UBASH3B: variants seen among roughly 807,000 people sequenced by gnomAD.
UBASH3B encodes the protein ubiquitin associated and SH3 domain containing B.
Under a neutral mutation model 83.4 loss-of-function variants are expected in UBASH3B, and 37 were observed. The observed-to-expected ratio is 0.44, with a 90% confidence interval of 0.34 to 0.58. The LOEUF is 0.58. Ranked by LOEUF, UBASH3B falls within the 20% of genes least tolerant of loss-of-function variation. The pLI, the probability that UBASH3B is intolerant of heterozygous loss-of-function variation, is 0.01. For synonymous variants in UBASH3B, 304 were observed against 318.3 expected, an observed-to-expected ratio of 0.96 and a Z score of 0.48; for missense variants, 657 against 827.2, an observed-to-expected ratio of 0.79 and a Z score of 2.52.
intron 1 of UBASH3B, among the ~76,000 whole-genome samples, chr11:122,711,299 C>T (rs1486831355): frequency 6.6e-6 from 1 of 152,232 alleles, no homozygotes; most frequent in Non-Finnish European, 1.5e-5. Flanking sequence ...CATTTTAGTG[C>T]TTAGGGAAAG....
At chr11:122,741,360 C>T (rs1238970055) in intron 1 of UBASH3B, among the ~76,000 whole-genome samples, 5 of 152,180 alleles carry the variant, frequency 3.3e-5, no homozygotes, top group Non-Finnish European at 7.3e-5. Context: ...CCCAAACCCA[C>T]AAAGACATAA....
chr11:122,706,273 GC>G (rs1864119095), intron 1 of UBASH3B, among the ~76,000 whole-genome samples: 1 of 151,886 alleles, frequency 6.6e-6, no homozygotes, highest in South Asian at 2.1e-4. Flanking sequence ...GCGCCACAGA[GC>G]TCTAATTCTT....
At chr11:122,738,747 C>T (rs568006226) in intron 1 of UBASH3B, among the ~76,000 whole-genome samples, 17 of 151,984 alleles carry the variant, frequency 1.1e-4, no homozygotes, top group South Asian at 2.1e-4. Flanking sequence ...ATTAGCTGGG[C>T]GTGGTGGTGC....
chr11:122,719,407 TA>T (rs1314982965), intron 1 of UBASH3B, among the ~76,000 whole-genome samples: 1 of 152,240 alleles, frequency 6.6e-6, no homozygotes, highest in Non-Finnish European at 1.5e-5. Context: ...TGAAACTCTT[TA>T]AAAGTCTTTC....
intron 5 of UBASH3B, among the ~76,000 whole-genome samples, chr11:122,783,652 A>C (rs951239181): frequency 4.0e-5 from 6 of 148,274 alleles, no homozygotes; most frequent in African/African-American, 1.5e-4. Flanking sequence ...TTGCAAAGAC[A>C]TAATCAACAG....
chr11:122,779,527 G>A lies in UBASH3B; in HGVS notation c.433G>A (p.Glu145Lys), dbSNP rs965964541. The A allele has an allele frequency of 1.2e-6, 2 of 1,614,086 alleles. No homozygotes were observed. Among genetic ancestry groups the A allele is most frequent in the Non-Finnish European group, 1.7e-6 (2 of 1,179,992 alleles). ...GGACAGCAAGGTGGATGCCCTGGGG[G>A]AAGCCCTGCAGACCACGGTCAGTCG... is the stretch of plus-strand genomic sequence containing the variant. ...CEDSKVDALG[E>K]ALQTTVSRWK... is the part of the protein sequence containing the mutation. Residue 145 changes from glutamate (E) to lysine (K), a missense_variant, in exon 4 of 14, where the codon GAA becomes AAA. Physicochemically the swap from Glu to Lys is moderately conservative, Grantham distance 56. This residue lies in a region of UBASH3B where 573 missense variants were observed against 739.0 expected (regional missense o/e 0.78). Coordinates refer to ENST00000284273, the MANE Select transcript of UBASH3B (RefSeq NM_032873.5).
chr11:122,805,043 G>A (rs974549148), intron 11 of UBASH3B, among the ~76,000 whole-genome samples: 3 of 152,188 alleles, frequency 2.0e-5, no homozygotes, highest in Non-Finnish European at 2.9e-5. Flanking sequence ...GTGTTAGTTC[G>A]TTTTCACGCT....
In UBASH3B at chr11:122,758,786, A is replaced by G. The variant is rs1861324150; in HGVS notation, c.162-17433A>G. ...TAACTGATGGCAGGAGCGAAATGCA[A>G]TGAATTCAGATCAGCAATTTCCACT... On this transcript the variant is annotated intron_variant, in intron 1 of 13. Coordinates refer to ENST00000284273, the MANE Select transcript of UBASH3B (RefSeq NM_032873.5). This position sits in a 1 kb window ranked among gnomAD's most constrained non-coding sequence, Gnocchi z 4.2. 2.0e-5 allele frequency among the ~76,000 whole-genome samples: 3 copies of G among 152,232 alleles called. No homozygotes were observed. In the South Asian group the frequency reaches 6.2e-4, roughly 31 times the overall value.
At chr11:122,746,163 C>A (rs1215924416) in intron 1 of UBASH3B, among the ~76,000 whole-genome samples, 1 of 152,120 alleles carries the variant, frequency 6.6e-6, no homozygotes, top group Non-Finnish European at 1.5e-5. Flanking sequence ...GAGCTAAGGC[C>A]CAGGGACCAT....
chr11:122,694,893 C>A (rs1863942374), intron 1 of UBASH3B, among the ~76,000 whole-genome samples: 1 of 151,166 alleles, frequency 6.6e-6, no homozygotes, highest in Admixed American at 6.6e-5. Context: ...CAGGGTATGC[C>A]ATCCACCAGT....
chr11:122,792,583 T>C (rs753202004), intron 6 of UBASH3B, among the ~76,000 whole-genome samples: 2 of 152,158 alleles, frequency 1.3e-5, no homozygotes, highest in Non-Finnish European at 2.9e-5. Flanking sequence ...CCTCTCAAAG[T>C]GCTAGAATTA....
intron 1 of UBASH3B, among the ~76,000 whole-genome samples, chr11:122,672,969 T>C (rs1863618882): frequency 6.6e-6 from 1 of 152,166 alleles, no homozygotes; most frequent in Non-Finnish European, 1.5e-5. Context: ...AGGGATGGAT[T>C]ATCCATACCC....
rs1201119101 is a variant in UBASH3B at position 122,706,105 on chromosome 11, TC to T, written c.161+49896del. 5.0e-4 allele frequency among the ~76,000 whole-genome samples: 52 copies of T among 103,588 alleles called. No individual in the cohort carries two copies. In the South Asian group the frequency reaches 0.013, roughly 27 times the overall value. 68.0% of individuals were successfully genotyped at this position (103,588 alleles called of 152,430 possible). ...TTACCAAAGCTCTAATTCTTTTCTT[TC>T]TTTTTTTTTTTTTCTTTTTTTTTTT... On this transcript the variant is annotated intron_variant, in intron 1 of 13. Coordinates refer to ENST00000284273, the MANE Select transcript of UBASH3B (RefSeq NM_032873.5).
At chr11:122,667,174 G>A (rs1697256463) in intron 1 of UBASH3B, among the ~76,000 whole-genome samples, 1 of 150,430 alleles carries the variant, frequency 6.6e-6, no homozygotes, top group South Asian at 2.1e-4. Flanking sequence ...TTCCTAAGTA[G>A]CTGGGATTAC....
At chr11:122,700,939 T>C (rs570668049) in intron 1 of UBASH3B, among the ~76,000 whole-genome samples, 5 of 152,218 alleles carry the variant, frequency 3.3e-5, no homozygotes, top group Non-Finnish European at 7.3e-5. Flanking sequence ...CTGGGAAGCC[T>C]GTGTTTTCTC....
chr11:122,782,982 CT>C, intron 4 of UBASH3B, 70 bp from the exon 5 acceptor site: 1 of 1,527,846 alleles, frequency 6.5e-7, no homozygotes, highest in Non-Finnish European at 8.8e-7. Flanking sequence ...CTTTCTATGC[CT>C]TTCCTTAAGT....
intron 1 of UBASH3B, among the ~76,000 whole-genome samples, chr11:122,753,631 G>T (rs562243773): frequency 6.6e-6 from 1 of 151,284 alleles, no homozygotes; most frequent in Admixed American, 6.6e-5. Context: ...CGAGTAGCTG[G>T]GATTACAGGC....
chr11:122,799,765 C>T lies in UBASH3B; in HGVS notation c.1450+731C>T, dbSNP rs2135180223. 1.3e-5 allele frequency among the ~76,000 whole-genome samples: 2 copies of T among 152,260 alleles called. 1 individual carries two copies. Among genetic ancestry groups the T allele is most frequent in the South Asian group, 4.1e-4 (2 of 4,822 alleles). On this transcript the variant is annotated intron_variant, in intron 10 of 13. Coordinates refer to ENST00000284273, the MANE Select transcript of UBASH3B (RefSeq NM_032873.5). ...TTAATTAGAAAGACTTTAAAAGCAC[C>T]ATTGCTACCAAGATACTCAACTTTC... is the stretch of plus-strand genomic sequence containing the variant.
At chr11:122,780,826 C>T (rs911734029) in intron 4 of UBASH3B, among the ~76,000 whole-genome samples, 8 of 152,172 alleles carry the variant, frequency 5.3e-5, no homozygotes, top group African/African-American at 1.9e-4. Flanking sequence ...CAGTGGAAGC[C>T]GAGTGCTGAG....
Sources: allele counts gnomAD v4.1 joint callset (sites outside exome capture counted in the v4.1 genomes callset), GRCh38; gene constraint gnomAD v4.1.1; regional missense constraint gnomAD v4.1.1; non-coding constraint Gnocchi (gnomAD v3.1); transcripts MANE v1.5; gene names NCBI Gene and HGNC (gene_info 2026-07-23, HGNC 2026-07-21).